SLIT3: variants seen among roughly 807,000 people sequenced by gnomAD.
SLIT3 encodes slit homolog 3 protein.
A neutral mutation model predicts 184.0 loss-of-function variants in SLIT3; 68 were observed. The ratio of observed to expected loss-of-function variants is 0.37; its 90% CI spans 0.30 to 0.45. The LOEUF is 0.45. SLIT3 is among the 20% of genes least tolerant of loss of function. SLIT3 has a pLI of 1.00. For missense variants in SLIT3, 1,707 were observed against 2,026.0 expected (o/e 0.84, Z 3.02); for synonymous variants, 831 against 828.6 (o/e 1.00, Z -0.05).
intron 4 of SLIT3, among the ~76,000 whole-genome samples, chr5:169,135,738 C>G (rs1761479556): frequency 1.3e-5 from 2 of 152,212 alleles, no homozygotes; most frequent in Admixed American, 6.5e-5. Context: ...AATGACAGAA[C>G]TAGGCAATCT....
At chr5:169,081,663 G>T (rs1759064621) in intron 4 of SLIT3, among the ~76,000 whole-genome samples, 1 of 152,158 alleles carries the variant, frequency 6.6e-6, no homozygotes. Context: ...GCAGCACATG[G>T]TCCTCTTAAG....
chr5:168,921,108 T>C (rs1761622063), intron 4 of SLIT3, among the ~76,000 whole-genome samples: 1 of 152,164 alleles, frequency 6.6e-6, no homozygotes, highest in Non-Finnish European at 1.5e-5. Flanking sequence ...TATTTGGACA[T>C]CATCTGTCAT....
chr5:168,845,122 C>G (rs933606700), intron 5 of SLIT3, among the ~76,000 whole-genome samples: 3 of 152,120 alleles, frequency 2.0e-5, no homozygotes, highest in African/African-American at 7.2e-5. Flanking sequence ...GTCTTCTGCT[C>G]TGACACAGTG....
intron 4 of SLIT3, among the ~76,000 whole-genome samples, chr5:169,066,669 T>G (rs1317807366): frequency 6.6e-6 from 1 of 152,182 alleles, no homozygotes; most frequent in Non-Finnish European, 1.5e-5. Context: ...CCACTCCCTT[T>G]GACCGGCATG....
At chr5:169,292,724 C>T (rs760652496) in intron 1 of SLIT3, among the ~76,000 whole-genome samples, 1 of 152,152 alleles carries the variant, frequency 6.6e-6, no homozygotes, top group Non-Finnish European at 1.5e-5. Context: ...ATGAGGAAAT[C>T]GAAATAGAAA....
chr5:169,095,556 G>C (rs977038899), intron 4 of SLIT3, among the ~76,000 whole-genome samples: 1 of 152,200 alleles, frequency 6.6e-6, no homozygotes, highest in African/African-American at 2.4e-5. Context: ...GCTCTGTCCA[G>C]CTTTTGTGTA....
intron 2 of SLIT3, among the ~76,000 whole-genome samples, chr5:169,250,736 G>A (rs926699669): frequency 1.4e-4 from 22 of 152,212 alleles, no homozygotes; most frequent in African/African-American, 5.3e-4. Flanking sequence ...AGTAAAGATG[G>A]AAAATAAAAT....
intron 6 of SLIT3, among the ~76,000 whole-genome samples, chr5:168,834,957 C>T (rs1757999955): frequency 6.6e-6 from 1 of 152,074 alleles, no homozygotes; most frequent in Non-Finnish European, 1.5e-5. Flanking sequence ...CCATGAGCTA[C>T]ACGTGGCAAT....
At chr5:168,732,990 TGCA>T (rs1178959115) in intron 20 of SLIT3, among the ~76,000 whole-genome samples, 1 of 152,026 alleles carries the variant, frequency 6.6e-6, no homozygotes, top group Non-Finnish European at 1.5e-5. Flanking sequence ...AAAAAGCTTC[TGCA>T]CAGCAAAAGA....
chr5:169,065,776 G>A (rs1349348116), intron 4 of SLIT3, among the ~76,000 whole-genome samples: 1 of 152,186 alleles, frequency 6.6e-6, no homozygotes, highest in Non-Finnish European at 1.5e-5. Context: ...ATGCACCCCT[G>A]CTTCTCTGTC....
At chr5:168,675,396 T>C (rs996383151) in intron 32 of SLIT3, among the ~76,000 whole-genome samples, 3 of 152,068 alleles carry the variant, frequency 2.0e-5, no homozygotes, top group Non-Finnish European at 2.9e-5. Flanking sequence ...ACAGGCTAAA[T>C]TGGGGTATAC....
At chr5:168,927,164 T>C (rs1301074134) in intron 4 of SLIT3, among the ~76,000 whole-genome samples, 3 of 152,206 alleles carry the variant, frequency 2.0e-5, no homozygotes, top group Non-Finnish European at 1.5e-5. Flanking sequence ...TATATACATA[T>C]AATGAGATAT....
intron 20 of SLIT3, among the ~76,000 whole-genome samples, chr5:168,740,386 A>G (rs1763587233): frequency 6.6e-6 from 1 of 152,190 alleles, no homozygotes; most frequent in South Asian, 2.1e-4. Flanking sequence ...TGCTTGCAAC[A>G]GCCTCTCACA....
intron 4 of SLIT3, among the ~76,000 whole-genome samples, chr5:168,959,292 C>T (rs543098521): frequency 1.7e-4 from 26 of 152,282 alleles, no homozygotes; most frequent in African/African-American, 6.0e-4. Flanking sequence ...AGGGGGTATG[C>T]CTGTGCTATA....
intron 4 of SLIT3, among the ~76,000 whole-genome samples, chr5:169,079,815 G>GA (rs1758930565): frequency 8.5e-5 from 1 of 11,712 alleles, no homozygotes; most frequent in Admixed American, 9.3e-4. Context: ...GGAAGGGGAA[G>GA]AGGAGGAGGG....
Position 168,688,177 on chromosome 5 carries a change from C to T in SLIT3, c.3177-1061G>A, listed in dbSNP as rs77564118. Among the ~76,000 whole-genome samples the T allele has an allele frequency of 6.8e-3, 1,035 of 152,344 alleles. 6 individuals are homozygous for T. Among genetic ancestry groups the T allele is most frequent in the Non-Finnish European group, 0.011 (732 of 68,032 alleles). On this transcript the variant is annotated intron_variant, in intron 29 of 35. Transcript: ENST00000519560. ...ACCCACAGGCACATATAAGCAAATG[C>T]TTACTGGCGCTTCTGCCTTCTGCAA... is the stretch of plus-strand genomic sequence containing the variant.
chr5:168,917,286 C>G (rs1210431666), intron 4 of SLIT3, among the ~76,000 whole-genome samples: 1 of 152,150 alleles, frequency 6.6e-6, no homozygotes, highest in Non-Finnish European at 1.5e-5. Flanking sequence ...CCTAGTCTTA[C>G]TATACCTTGA....
At chr5:168,672,012 G>A (rs749222700) in intron 33 of SLIT3, among the ~76,000 whole-genome samples, 49 of 152,292 alleles carry the variant, frequency 3.2e-4, no homozygotes, top group Middle Eastern at 3.4e-3. Flanking sequence ...CCTTATGTGC[G>A]GTGTACCCCT....
At chr5:168,771,574 G>T (rs1467850737) in intron 14 of SLIT3, among the ~76,000 whole-genome samples, 1 of 152,172 alleles carries the variant, frequency 6.6e-6, no homozygotes, top group Non-Finnish European at 1.5e-5. Flanking sequence ...CCAGTACCAC[G>T]CTCATCGCAG....
Sources: allele counts gnomAD v4.1 joint callset (sites outside exome capture counted in the v4.1 genomes callset), GRCh38; gene constraint gnomAD v4.1.1; transcripts MANE v1.5; gene names NCBI Gene and HGNC (gene_info 2026-07-23, HGNC 2026-07-21).